GDPD5: variants seen among roughly 807,000 people sequenced by gnomAD.
The protein encoded by GDPD5 is glycerophosphodiester phosphodiesterase 2.
In GDPD5, 48 loss-of-function variants were observed where a neutral mutation model predicts 75.1. The ratio of observed to expected loss-of-function variants is 0.64; its 90% CI spans 0.51 to 0.81. GDPD5 has a LOEUF of 0.81. GDPD5 is among the 40% of genes least tolerant of loss of function. The pLI is 0.00. For synonymous variants in GDPD5, 336 were observed against 339.0 expected, an observed-to-expected ratio of 0.99 and a Z score of 0.10; for missense variants, 706 against 822.6, an observed-to-expected ratio of 0.86 and a Z score of 1.73.
At chr11:75,444,255 T>C (rs1277079259) in intron 10 of GDPD5, among the ~76,000 whole-genome samples, 158 bp downstream of exon 10, 1 of 152,066 alleles carries the variant, frequency 6.6e-6, no homozygotes, top group African/African-American at 2.4e-5. Context: ...CATCCTGGAG[T>C]CTGCAGGAAC....
At chr11:75,483,034 G>A (rs149886606) in intron 2 of GDPD5, among the ~76,000 whole-genome samples, 336 of 152,232 alleles carry the variant, frequency 2.2e-3, no homozygotes, top group Middle Eastern at 0.01. Flanking sequence ...TCTCTGAGAC[G>A]GGACTCTCTC....
At chr11:75,441,585 G>A in intron 13 of GDPD5, 61 bp downstream of exon 13, 1 of 1,429,666 alleles carries the variant, frequency 7.0e-7, no homozygotes, top group Non-Finnish European at 9.4e-7. Context: ...GGTGGTGGTG[G>A]CAGGACTGGG....
At chr11:75,454,805 T>C (rs1377468517) in intron 6 of GDPD5, among the ~76,000 whole-genome samples, 2 of 152,268 alleles carry the variant, frequency 1.3e-5, no homozygotes, top group East Asian at 1.9e-4. Flanking sequence ...AGACTTTCTT[T>C]GTATACTTTT....
intron 1 of GDPD5, among the ~76,000 whole-genome samples, chr11:75,521,626 T>G (rs1941458811): frequency 6.6e-6 from 1 of 152,188 alleles, no homozygotes; most frequent in African/African-American, 2.4e-5. Context: ...ATGTTATGGA[T>G]AGTAGGTATT....
intron 3 of GDPD5, among the ~76,000 whole-genome samples, chr11:75,470,787 C>T (rs1949644344): frequency 6.6e-6 from 1 of 152,230 alleles, no homozygotes; most frequent in Non-Finnish European, 1.5e-5. Flanking sequence ...CAAATGGATG[C>T]TTCAGCTGTC....
intron 2 of GDPD5, among the ~76,000 whole-genome samples, chr11:75,484,640 T>C (rs773640791): frequency 6.6e-6 from 1 of 152,028 alleles, no homozygotes; most frequent in Non-Finnish European, 1.5e-5. Flanking sequence ...TCCTAGCACT[T>C]TGAGGAAGCC....
chr11:75,515,620 G>A (rs149833582), intron 1 of GDPD5, among the ~76,000 whole-genome samples: 88 of 152,342 alleles, frequency 5.8e-4, no homozygotes, highest in African/African-American at 2.0e-3. Flanking sequence ...CAGAACTGTG[G>A]CAATGACTGC....
At chr11:75,473,885 G>A (rs1006013972) in intron 3 of GDPD5, among the ~76,000 whole-genome samples, 3 of 152,184 alleles carry the variant, frequency 2.0e-5, no homozygotes, top group Non-Finnish European at 4.4e-5. Flanking sequence ...CCTCCAAAAT[G>A]ATCGACCTGG....
At chr11:75,453,905 C>T (rs1041257076) in intron 6 of GDPD5, among the ~76,000 whole-genome samples, 13 of 152,002 alleles carry the variant, frequency 8.6e-5, no homozygotes, top group Non-Finnish European at 1.3e-4. Context: ...ATGTTAAAAA[C>T]GTGGAAATAT....
chr11:75,454,211 G>A (rs1949236148), intron 6 of GDPD5, among the ~76,000 whole-genome samples: 1 of 152,126 alleles, frequency 6.6e-6, no homozygotes, highest in South Asian at 2.1e-4. Context: ...GATATGAAGA[G>A]ACAGTTTTAT....
chr11:75,460,124 T>C (rs1393262838), intron 4 of GDPD5, among the ~76,000 whole-genome samples: 1 of 152,108 alleles, frequency 6.6e-6, no homozygotes, highest in African/African-American at 2.4e-5. Flanking sequence ...TTGCTCCTGA[T>C]AACTATTCCT....
At chr11:75,439,479 C>T in intron 15 of GDPD5, 1 of 406,434 alleles carries the variant, frequency 2.5e-6, no homozygotes. Flanking sequence ...CCCTTGGTTC[C>T]TGGCTGGGTG....
intron 13 of GDPD5, 122 bp downstream of exon 13, chr11:75,441,524 G>T: frequency 8.5e-7 from 1 of 1,170,750 alleles, no homozygotes; most frequent in Non-Finnish European, 1.2e-6. Flanking sequence ...TCCTCTGTGT[G>T]CCCATCCCTC....
At position 75,439,893 on chromosome 11, in the gene GDPD5, G is replaced by A. The variant is rs773096588; in HGVS notation, c.1542C>T (p.Ile514=). ...ATCCTACTCACTTCTGGAGCACGAA[G>A]ATGCCCACGATGAGGGTGAAGGAGA... is the stretch of plus-strand genomic sequence containing the variant. ...DLVSFTLIVG[I]FVLQKWRLGG... The change falls in exon 15 of 17, where the codon ATC becomes ATT. Residue 514 remains isoleucine, a synonymous_variant. Transcript: ENST00000336898. 1.2e-6 allele frequency: 2 copies of A among 1,613,890 alleles called. No individual in the cohort carries two copies. Among genetic ancestry groups the A allele is most frequent in the East Asian group, 4.5e-5 (2 of 44,870 alleles).
chr11:75,494,253 A>C (rs1370021828), intron 1 of GDPD5, among the ~76,000 whole-genome samples: 1 of 136,316 alleles, frequency 7.3e-6, no homozygotes, highest in Non-Finnish European at 1.5e-5. Context: ...TCTGTCACCC[A>C]GGCTGGAAGG....
chr11:75,517,135 T>A (rs1331407369), intron 1 of GDPD5, among the ~76,000 whole-genome samples: 1 of 151,754 alleles, frequency 6.6e-6, no homozygotes, highest in East Asian at 1.9e-4. Context: ...TTGGGGGAGG[T>A]GCTAAGTGAA....
At chr11:75,502,595 C>T (rs1464657476) in intron 1 of GDPD5, among the ~76,000 whole-genome samples, 8 of 152,222 alleles carry the variant, frequency 5.3e-5, no homozygotes, top group Admixed American at 5.2e-4. Flanking sequence ...CAAAGTGATG[C>T]TGACACCAGT....
chr11:75,517,794 C>T (rs978526276), intron 1 of GDPD5, among the ~76,000 whole-genome samples: 1 of 149,548 alleles, frequency 6.7e-6, no homozygotes, highest in Admixed American at 6.8e-5. Flanking sequence ...TCCCTGGACA[C>T]CCTCCCCTAG....
rs964574524 is a variant in GDPD5 at position 75,525,412 on chromosome 11, C to G, written c.-347G>C. 6 of 152,286 alleles carry G rather than the reference C, an allele frequency of 3.9e-5. No homozygotes were observed. Among genetic ancestry groups the G allele is most frequent in the Non-Finnish European group, 1.5e-5 (1 of 68,106 alleles). The allele number at this position is 152,286 out of a possible 1,614,324, so 9.4% of individuals were successfully genotyped here. On this transcript the variant is annotated 5_prime_UTR_variant, in exon 1 of 17. Transcript: ENST00000336898. ...ACCCGGCCAGGGCTTCCCGGGCGCT[C>G]GCGCTGTTCCAAGCTGTTCCAACTG...
Sources: gnomAD v4.1 joint callset for allele counts (sites outside exome capture counted in the v4.1 genomes callset) on GRCh38, gnomAD v4.1.1 for gene constraint, MANE v1.5 for transcripts, NCBI Gene and HGNC (gene_info 2026-07-23, HGNC 2026-07-21) for gene names.